The following MEIKIN variants were observed in gnomAD, a reference collection of about 807,000 sequenced individuals.
MEIKIN encodes the protein meiosis-specific kinetochore protein.
chr5:131,856,731 C>G (rs1414680469), intron 9 of MEIKIN, among the ~76,000 whole-genome samples: 2 of 152,002 alleles, frequency 1.3e-5, no homozygotes, highest in Non-Finnish European at 2.9e-5. Context: ...AAAACATCAG[C>G]TTGTATGCAG....
At chr5:131,933,839 A>C (rs1376553762) in intron 4 of MEIKIN, among the ~76,000 whole-genome samples, 198 bp from the exon 5 acceptor site, 2 of 152,200 alleles carry the variant, frequency 1.3e-5, no homozygotes, top group Non-Finnish European at 2.9e-5. Flanking sequence ...TCTATTTTTG[A>C]TGGTGATAAA....
chr5:131,897,861 C>G (rs997718414), intron 8 of MEIKIN, among the ~76,000 whole-genome samples: 8 of 152,170 alleles, frequency 5.3e-5, no homozygotes, highest in Non-Finnish European at 1.2e-4. Context: ...TCCTTTAGCT[C>G]AGAGAAGTTT....
chr5:131,826,760 C>T (rs377367196), intron 11 of MEIKIN, among the ~76,000 whole-genome samples: 3 of 152,086 alleles, frequency 2.0e-5, no homozygotes, highest in South Asian at 4.2e-4. Flanking sequence ...TTCCTGCCAC[C>T]TTGTGAAGAA....
intron 11 of MEIKIN, among the ~76,000 whole-genome samples, chr5:131,839,483 G>A (rs1749866829): frequency 6.6e-6 from 1 of 152,192 alleles, no homozygotes; most frequent in Non-Finnish European, 1.5e-5. Context: ...TTGTGTGAAA[G>A]TCTAATTCTC....
intron 4 of MEIKIN, among the ~76,000 whole-genome samples, chr5:131,936,906 T>C (rs945820898): frequency 3.9e-5 from 6 of 152,154 alleles, no homozygotes; most frequent in African/African-American, 1.4e-4. Context: ...AAATTTCCTC[T>C]CAATACTTTT....
intron 3 of MEIKIN, among the ~76,000 whole-genome samples, chr5:131,943,659 TA>T (rs1348889708): frequency 1.3e-5 from 2 of 152,050 alleles, no homozygotes. Flanking sequence ...CAGAAATATA[TA>T]AAAATTTTAA....
At chr5:131,932,179 A>G (rs537689662) in intron 5 of MEIKIN, among the ~76,000 whole-genome samples, 4 of 152,244 alleles carry the variant, frequency 2.6e-5, no homozygotes, top group Non-Finnish European at 5.9e-5. Context: ...AGCAGATCCC[A>G]TAATTTAGGA....
intron 5 of MEIKIN, among the ~76,000 whole-genome samples, chr5:131,928,068 C>T (rs1031728905): frequency 5.4e-5 from 8 of 148,034 alleles, no homozygotes; most frequent in Admixed American, 2.8e-4. Context: ...GGCATGAACC[C>T]GGGAGGCGGA....
At chr5:131,931,004 C>T (rs906796862) in intron 5 of MEIKIN, among the ~76,000 whole-genome samples, 4 of 152,118 alleles carry the variant, frequency 2.6e-5, no homozygotes, top group African/African-American at 4.8e-5. Context: ...TCCTTTGTTT[C>T]GACCATGTTT....
At chr5:131,808,878 TCAGC>T (rs1484804255) in intron 12 of MEIKIN, among the ~76,000 whole-genome samples, 2 of 152,086 alleles carry the variant, frequency 1.3e-5, no homozygotes, top group African/African-American at 2.4e-5. Flanking sequence ...GAGTACGAGA[TCAGC>T]CTGGGCATCA....
At position 131,834,228 on chromosome 5, in the gene MEIKIN, A is replaced by C. The variant is rs1220557838; in HGVS notation, c.976-15365T>G. On this transcript the variant is annotated intron_variant, in intron 11 of 12. Coordinates refer to ENST00000442687, the MANE Select transcript of MEIKIN (RefSeq NM_001303622.2). ...TTTTCTCAGGTATAATTGACAAATA[A>C]AAATTGCATATATTCAAGGTGTACG... Among the ~76,000 whole-genome samples the C allele has an allele frequency of 2.0e-5, 3 of 152,236 alleles. No homozygotes were observed. The South Asian group carries it at 6.2e-4, about 32-fold the overall frequency.
intron 8 of MEIKIN, among the ~76,000 whole-genome samples, chr5:131,911,010 T>C (rs1474597518): frequency 1.3e-5 from 2 of 152,078 alleles, no homozygotes; most frequent in Admixed American, 1.3e-4. Flanking sequence ...ACACATTCCC[T>C]TATTCTTTGA....
chr5:131,910,804 AT>A (rs1751323428), intron 8 of MEIKIN, among the ~76,000 whole-genome samples: 1 of 152,096 alleles, frequency 6.6e-6, no homozygotes, highest in Admixed American at 6.6e-5. Flanking sequence ...TTAATTTTAA[AT>A]TTTAAGTTAC....
chr5:131,933,000 C>T (rs1178841802), intron 5 of MEIKIN, among the ~76,000 whole-genome samples: 2 of 151,856 alleles, frequency 1.3e-5, no homozygotes, highest in Non-Finnish European at 1.5e-5. Context: ...TCCTTATGAG[C>T]GTATTACTTT....
chr5:131,882,630 C>T (rs1384721954), intron 8 of MEIKIN, among the ~76,000 whole-genome samples: 1 of 152,148 alleles, frequency 6.6e-6, no homozygotes, highest in Non-Finnish European at 1.5e-5. Context: ...CATCCCTCTG[C>T]TCTAAGATGA....
chr5:131,932,511 T>C (rs187191966), intron 5 of MEIKIN, among the ~76,000 whole-genome samples: 54 of 148,942 alleles, frequency 3.6e-4, no homozygotes, highest in Admixed American at 2.0e-3. Flanking sequence ...CTCAACCATT[T>C]AAGCAATTTG....
chr5:131,824,066 C>T (rs1212219972), intron 11 of MEIKIN, among the ~76,000 whole-genome samples: 1 of 152,154 alleles, frequency 6.6e-6, no homozygotes, highest in Non-Finnish European at 1.5e-5. Context: ...GTATGGTGAT[C>T]CAAGCACCCC....
chr5:131,928,099 G>A (rs571882357), intron 5 of MEIKIN, among the ~76,000 whole-genome samples: 16 of 146,828 alleles, frequency 1.1e-4, no homozygotes, highest in African/African-American at 2.5e-4. Context: ...AGTTGAGATC[G>A]CGCCACTGCA....
chr5:131,865,305 C>T (rs899325199), intron 9 of MEIKIN, among the ~76,000 whole-genome samples: 8 of 152,104 alleles, frequency 5.3e-5, no homozygotes, highest in South Asian at 2.1e-4. Context: ...CTGCAAGCTC[C>T]GCCTCCTCGG....
Sources: gnomAD v4.1 joint callset for allele counts (sites outside exome capture counted in the v4.1 genomes callset) on GRCh38, gnomAD v4.1.1 for gene constraint, MANE v1.5 for transcripts, NCBI Gene and HGNC (gene_info 2026-07-23, HGNC 2026-07-21) for gene names.